SLAMF1: variants seen among roughly 807,000 people sequenced by gnomAD.
The protein encoded by SLAMF1 is signaling lymphocytic activation molecule.
In SLAMF1, 18 loss-of-function variants were observed where a neutral mutation model predicts 35.1. The observed-to-expected ratio is 0.51, with a 90% CI of 0.35 to 0.76. The LOEUF (loss-of-function observed/expected upper bound fraction) is 0.76. Ranked by LOEUF, SLAMF1 falls within the 30% of genes least tolerant of loss-of-function variation. SLAMF1 has a pLI of 0.01. For missense variants in SLAMF1, 392 were observed against 413.0 expected (o/e 0.95, Z 0.44); for synonymous variants, 168 against 157.2 (o/e 1.07, Z -0.51).
chr1:160,624,068 A>C lies in SLAMF1; in HGVS notation c.790+28T>G. 6 of 1,468,800 alleles carry C rather than the reference A, an allele frequency of 4.1e-6. No homozygotes were observed. The East Asian group carries it at 1.4e-4, about 34-fold the overall frequency. The allele number at this position is 1,468,800 out of a possible 1,614,324, so 91.0% of individuals were successfully genotyped here. A position where few individuals can be genotyped will look rare whatever the true frequency, so the allele number is the denominator to read the frequency against. On this transcript the variant is annotated intron_variant, in intron 4 of 6. Transcript: ENST00000302035. ...CCCTGCTTACCACAGAGAGTGTGAT[A>C]AGAATCTATTTATTGCCAGACACCT...
At chr1:160,641,192 A>G (rs1421691730) in intron 1 of SLAMF1, among the ~76,000 whole-genome samples, 1 of 152,242 alleles carries the variant, frequency 6.6e-6, no homozygotes, top group Non-Finnish European at 1.5e-5. Context: ...ACATCCATAA[A>G]TGCCATCTCT....
In SLAMF1 at chr1:160,610,694, T is replaced by C. The variant is rs1658933211; in HGVS notation, c.*54A>G. On this transcript the variant is annotated 3_prime_UTR_variant, in exon 7 of 7. Coordinates refer to ENST00000302035, the MANE Select transcript of SLAMF1 (RefSeq NM_003037.5). ...TTGGGGCCTGTGGCCAAGTTCAGTG[T>C]TCATTTTGGTTTTTCCATTTTCCTT... 4.4e-6 allele frequency: 6 copies of C among 1,369,586 alleles called. No homozygotes were observed. Among genetic ancestry groups the C allele is most frequent in the Non-Finnish European group, 6.3e-6 (6 of 957,332 alleles). 84.8% of individuals were successfully genotyped at this position (1,369,586 alleles called of 1,614,324 possible).
In SLAMF1 at chr1:160,637,416, C is replaced by T. The variant is rs373212946; in HGVS notation, c.190G>A (p.Val64Ile). The change falls in exon 2 of 7, where the codon GTC becomes ATC. Residue 64 changes from valine to isoleucine, a missense_variant. By Grantham distance (29) the Val-to-Ile change is conservative. Coordinates refer to ENST00000302035, the MANE Select transcript of SLAMF1 (RefSeq NM_003037.5). Reference protein sequence around the residue: ...KSMNKSIHIVVTMAKSLENSV... With the variant: ...KSMNKSIHIVITMAKSLENSV... ...TTCTCCAGTGATTTTGCCATTGTGA[C>T]GACAATGTGGATGCTTTTGTTCATG... The T allele has an allele frequency of 1.8e-5, 29 of 1,613,764 alleles. No individual in the cohort carries two copies. The highest frequency in any genetic ancestry group is 1.6e-4 in the South Asian group (15 of 91,078).
chr1:160,618,284 A>G (rs1659419313), intron 5 of SLAMF1, among the ~76,000 whole-genome samples: 1 of 152,208 alleles, frequency 6.6e-6, no homozygotes, highest in African/African-American at 2.4e-5. Flanking sequence ...TTTACCAAAT[A>G]TCGAGATATG....
intron 3 of SLAMF1, among the ~76,000 whole-genome samples, chr1:160,628,319 ACTCT>A (rs1217339509): frequency 6.6e-6 from 1 of 151,860 alleles, no homozygotes; most frequent in African/African-American, 2.4e-5. Context: ...GCAGGTTCAG[ACTCT>A]CTCTTTCTCT....
intron 1 of SLAMF1, among the ~76,000 whole-genome samples, chr1:160,640,325 CATATATATATATAT>C (rs56785818): frequency 0.026 from 2,428 of 94,118 alleles, 81 homozygotes; most frequent in African/African-American, 0.079. Context: ...TTAGGTTTGT[CATATATATATATAT>C]ATATATATAT....
At chr1:160,624,030 G>A in intron 4 of SLAMF1, 66 bp downstream of exon 4, 1 of 1,167,498 alleles carries the variant, frequency 8.6e-7, no homozygotes, top group South Asian at 1.3e-5. Context: ...GTCCGAGCCT[G>A]TGGAGAGAGG....
chr1:160,632,434 C>T (rs1326701113), intron 3 of SLAMF1, among the ~76,000 whole-genome samples: 1 of 152,152 alleles, frequency 6.6e-6, no homozygotes, highest in Non-Finnish European at 1.5e-5. Flanking sequence ...GAACCAGCTT[C>T]CTACTCAGTA....
At chr1:160,644,861 T>C (rs976286309) in intron 1 of SLAMF1, among the ~76,000 whole-genome samples, 7 of 152,162 alleles carry the variant, frequency 4.6e-5, no homozygotes, top group African/African-American at 1.7e-4. Flanking sequence ...GTCCCTCACC[T>C]TCCCCCAAAG....
chr1:160,621,342 C>G (rs187781384), intron 4 of SLAMF1, among the ~76,000 whole-genome samples: 3 of 151,952 alleles, frequency 2.0e-5, no homozygotes, highest in African/African-American at 7.3e-5. Context: ...GGGCAGATCA[C>G]GAGGTCAGGA....
intron 5 of SLAMF1, among the ~76,000 whole-genome samples, chr1:160,615,365 A>T (rs1365737699): frequency 6.6e-6 from 1 of 152,174 alleles, no homozygotes; most frequent in Non-Finnish European, 1.5e-5. Flanking sequence ...AGTAAACCTT[A>T]GACTTTGGTA....
intron 3 of SLAMF1, among the ~76,000 whole-genome samples, chr1:160,625,794 C>T (rs1659848140): frequency 6.6e-6 from 1 of 151,522 alleles, no homozygotes; most frequent in Non-Finnish European, 1.5e-5. Flanking sequence ...CTCTGAGTGA[C>T]TTATGGTCAC....
rs1242045186 is a variant in SLAMF1 at position 160,609,723 on chromosome 1, T to C, written c.*1025A>G. ...AAGATTTGAAGCTGTTAGACCAAAATAACTTAATTTTCTACTAGAGGATAA... is the reference window on the plus strand; with the variant it reads ...AAGATTTGAAGCTGTTAGACCAAAACAACTTAATTTTCTACTAGAGGATAA... On this transcript the variant is annotated 3_prime_UTR_variant, in exon 7 of 7. Transcript: ENST00000302035. 1 of 152,212 alleles carries C rather than the reference T, an allele frequency of 6.6e-6. No individual in the cohort carries two copies. The highest frequency in any genetic ancestry group is 1.5e-5 in the Non-Finnish European group (1 of 68,034). 9.4% of individuals were successfully genotyped at this position (152,212 alleles called of 1,614,324 possible).
intron 4 of SLAMF1, among the ~76,000 whole-genome samples, chr1:160,623,240 G>C (rs1365175246): frequency 1.3e-5 from 2 of 152,114 alleles, no homozygotes; most frequent in African/African-American, 4.8e-5. Context: ...AAATGTGATT[G>C]CCCTACCCCG....
chr1:160,646,736 A>C, intron 1 of SLAMF1, 134 bp downstream of exon 1: 1 of 612,982 alleles, frequency 1.6e-6, no homozygotes, highest in Non-Finnish European at 3.1e-6. Flanking sequence ...GAGGCAGTTG[A>C]AACTGACAGC....
At chr1:160,631,669 A>G (rs948951049) in intron 3 of SLAMF1, among the ~76,000 whole-genome samples, 1 of 151,056 alleles carries the variant, frequency 6.6e-6, no homozygotes, top group African/African-American at 2.4e-5. Flanking sequence ...GGAAAGAGAA[A>G]GAGAGAGAGA....
intron 3 of SLAMF1, among the ~76,000 whole-genome samples, chr1:160,632,108 G>A (rs1650952108): frequency 1.3e-5 from 2 of 152,108 alleles, no homozygotes; most frequent in South Asian, 4.1e-4. Context: ...CTAGCCTCCA[G>A]AACTGAGAGC....
At chr1:160,615,848 A>G (rs1659272343) in intron 5 of SLAMF1, 2 of 200,446 alleles carry the variant, frequency 1.0e-5, no homozygotes, top group Non-Finnish European at 2.1e-5. Context: ...ATACACAACT[A>G]CAAGCCAACA....
At chr1:160,646,159 G>T (rs1014580074) in intron 1 of SLAMF1, among the ~76,000 whole-genome samples, 1 of 152,198 alleles carries the variant, frequency 6.6e-6, no homozygotes, top group South Asian at 2.1e-4. Context: ...ACAGAGTCCA[G>T]ATCCAAAGGT....
Sources: gnomAD v4.1 joint callset for allele counts (sites outside exome capture counted in the v4.1 genomes callset) on GRCh38, gnomAD v4.1.1 for gene constraint, MANE v1.5 for transcripts, NCBI Gene and HGNC (gene_info 2026-07-23, HGNC 2026-07-21) for gene names.